Variants in USP5 observed in about 807,000 individuals in gnomAD.
USP5 encodes the protein ubiquitin specific peptidase 5, also known as ubiquitin carboxyl-terminal hydrolase 5.
USP5 carries 24 observed loss-of-function variants against 102.5 expected under a neutral mutation model. That is an observed-to-expected ratio of 0.23 (90% CI 0.17 to 0.33). The LOEUF (loss-of-function observed/expected upper bound fraction) is 0.33. Among genes scored for constraint, USP5 ranks in the 10% least tolerant of loss-of-function variants. The pLI is 1.00. For missense variants in USP5, 753 were observed against 1,122.1 expected, an observed-to-expected ratio of 0.67 and a Z score of 4.70; for synonymous variants, 460 against 434.8, an observed-to-expected ratio of 1.06 and a Z score of -0.72.
rs376240882 is a variant in USP5 at position 6,858,532 on chromosome 12, T to C, written c.973T>C (p.Tyr325His). ...ACTCAAGCCCCTGTTTGGGCCTGGC[T>C]ACACAGGCATCCGGAACCTGGGTAA... ...VPLKPLFGPG[Y>H]TGIRNLGNSC... The change falls in exon 8 of 20, where the codon TAC becomes CAC. Residue 325 changes from tyrosine (Y) to histidine (H), a missense_variant. Coordinates refer to ENST00000229268, the MANE Select transcript of USP5 (RefSeq NM_001098536.2). This position sits in a 1 kb window ranked among gnomAD's most constrained non-coding sequence, Gnocchi z 4.2. 1.2e-6 allele frequency: 2 copies of C among 1,613,876 alleles called. No homozygotes were observed. Among genetic ancestry groups the C allele is most frequent in the South Asian group, 2.2e-5 (2 of 91,090 alleles).
At chr12:6,854,798 T>C (rs958403481) in intron 1 of USP5, among the ~76,000 whole-genome samples, 1 of 151,928 alleles carries the variant, frequency 6.6e-6, no homozygotes, top group Admixed American at 6.6e-5. Context: ...GTAATTTTGC[T>C]TGCTGGCACA....
rs1488238231 is a variant in USP5 at position 6,864,992 on chromosome 12, A to G, written c.2398+117A>G. On this transcript the variant is annotated intron_variant, in intron 18 of 19. Coordinates refer to ENST00000229268, the MANE Select transcript of USP5 (RefSeq NM_001098536.2). The surrounding 1 kb of genome is among the most constrained non-coding windows in gnomAD (Gnocchi z 4.8). ...GAGTCAGGGGCTTCTTTCCACCTCA[A>G]CGTGGCATCTGAGGGTGGGGTTCTC... 8 of 1,430,708 alleles carry G rather than the reference A, an allele frequency of 5.6e-6. No individual in the cohort carries two copies. Among genetic ancestry groups the G allele is most frequent in the African/African-American group, 1.4e-5 (1 of 70,732 alleles). The allele number at this position is 1,430,708 out of a possible 1,614,324, so 88.6% of individuals were successfully genotyped here.
In USP5 at chr12:6,860,216, G is replaced by A; in HGVS notation, c.1196G>A (p.Gly399Glu). The change falls in exon 10 of 20, where the codon GGG (glycine) becomes GAG (glutamate). Residue 399 changes from glycine to glutamate, a missense_variant. Physicochemically the swap from Gly to Glu is moderately conservative, Grantham distance 98 (BLOSUM62 -2). This residue lies in a region of USP5 where 527 missense variants were observed against 816.5 expected (regional missense o/e 0.65). Coordinates refer to ENST00000229268, the MANE Select transcript of USP5 (RefSeq NM_001098536.2). This position sits in a 1 kb window ranked among gnomAD's most constrained non-coding sequence, Gnocchi z 5.5. The stretch of plus-strand genomic sequence containing the variant: ...AAGCCAGTACCGGAGTCGGGCGATG[G>A]GGAGCGGGTGCCAGAACAGAAGGTG... ...YSKPVPESGD[G>E]ERVPEQKEVQ... 1 of 1,608,340 alleles carries A rather than the reference G, an allele frequency of 6.2e-7. No homozygotes were observed. The highest frequency in any genetic ancestry group is 1.1e-5 in the South Asian group (1 of 90,556).
chr12:6,865,780 A>C (rs186483580), intron 19 of USP5, among the ~76,000 whole-genome samples: 140 of 152,310 alleles, frequency 9.2e-4, no homozygotes, highest in African/African-American at 3.2e-3. Flanking sequence ...TTGTAAAGGT[A>C]CTGGAGGATC....
chr12:6,865,076 T>G, intron 18 of USP5, 88 bp from the exon 19 acceptor site: 1 of 1,363,764 alleles, frequency 7.3e-7, no homozygotes, highest in Non-Finnish European at 1.0e-6. Flanking sequence ...ACTCCTGTCC[T>G]GAGTCTGAGC....
intron 8 of USP5, among the ~76,000 whole-genome samples, chr12:6,859,036 AG>A (rs1944198212): frequency 6.6e-6 from 1 of 152,064 alleles, no homozygotes; most frequent in Non-Finnish European, 1.5e-5. Flanking sequence ...TCTTTATTTT[AG>A]GGCAGTGACA....
rs782389140 is a variant in USP5, at chr12:6,860,104, G to T, written c.1131-47G>T. 6.3e-6 allele frequency: 10 copies of T among 1,596,350 alleles called. No homozygotes were observed. Among genetic ancestry groups the T allele is most frequent in the East Asian group, 2.2e-5 (1 of 44,808 alleles). On this transcript the variant is annotated intron_variant, in intron 9 of 19. Transcript: ENST00000229268. This position sits in a 1 kb window ranked among gnomAD's most constrained non-coding sequence, Gnocchi z 5.5. ...AGGGGGTTGAGCTGGGGACACACAGGGTCGTTAGTTGACTGAAGTGAAATG... is the reference window on the plus strand; with the variant it reads ...AGGGGGTTGAGCTGGGGACACACAGTGTCGTTAGTTGACTGAAGTGAAATG...
rs919257610 is a variant in USP5 at position 6,864,606 on chromosome 12, G to A, written c.2245-116G>A. The A allele has an allele frequency of 5.4e-5, 65 of 1,193,168 alleles. No individual in the cohort carries two copies. Among genetic ancestry groups the A allele is most frequent in the African/African-American group, 2.9e-4 (19 of 65,664 alleles). The allele number at this position is 1,193,168 out of a possible 1,614,324, so 73.9% of individuals were successfully genotyped here. Reference sequence around the variant, plus strand: ...TGGGAGGCTGAGGCAGGAGAAAGGCGTGAACCCGGGAGGCGGAGCTTGCAG... The same window carrying A: ...TGGGAGGCTGAGGCAGGAGAAAGGCATGAACCCGGGAGGCGGAGCTTGCAG... On this transcript the variant is annotated intron_variant, in intron 17 of 19. Transcript: ENST00000229268. The surrounding 1 kb of genome is among the most constrained non-coding windows in gnomAD (Gnocchi z 4.8).
chr12:6,858,897 C>T lies in USP5; in HGVS notation c.1058+280C>T, dbSNP rs1317652968. ...ATAATTCCTGTCACACTCTGGCTGA[C>T]ATGCTGTGAGGGGAGCAAGTTAGGG... On this transcript the variant is annotated intron_variant, in intron 8 of 19. Coordinates refer to ENST00000229268, the MANE Select transcript of USP5 (RefSeq NM_001098536.2). This position sits in a 1 kb window ranked among gnomAD's most constrained non-coding sequence, Gnocchi z 4.2. 3.4e-6 allele frequency: 1 copy of T among 297,092 alleles called. No homozygotes were observed. The highest frequency in any genetic ancestry group is 4.2e-5 in the Admixed American group (1 of 24,052). 18.4% of individuals were successfully genotyped at this position (297,092 alleles called of 1,614,324 possible). A position where few individuals can be genotyped will look rare whatever the true frequency, so the allele number is the denominator to read the frequency against.
chr12:6,865,715 C>G (rs1944425635), intron 19 of USP5, among the ~76,000 whole-genome samples: 1 of 152,134 alleles, frequency 6.6e-6, no homozygotes, highest in African/African-American at 2.4e-5. Context: ...ACTATCTGGC[C>G]CTTGCCAGAA....
Position 6,855,269 on chromosome 12 carries a change from A to G in USP5, c.112-132A>G. 1.6e-6 allele frequency: 2 copies of G among 1,239,664 alleles called. No homozygotes were observed. The highest frequency in any genetic ancestry group is 2.4e-5 in the East Asian group (1 of 41,380). The allele number at this position is 1,239,664 out of a possible 1,614,324, so 76.8% of individuals were successfully genotyped here. A position where few individuals can be genotyped will look rare whatever the true frequency, so the allele number is the denominator to read the frequency against. On this transcript the variant is annotated intron_variant, in intron 1 of 19. Transcript: ENST00000229268. This position sits in a 1 kb window ranked among gnomAD's most constrained non-coding sequence, Gnocchi z 4.6. Reference sequence around the variant, plus strand: ...TCCTAAAAGGCTAAATAACTTGCCAAGGGCCACACAGTGTTAGAGAACAGA... The same window carrying G: ...TCCTAAAAGGCTAAATAACTTGCCAGGGGCCACACAGTGTTAGAGAACAGA...
In USP5 at chr12:6,858,346, C is replaced by A; in HGVS notation, c.865-78C>A. On this transcript the variant is annotated intron_variant, in intron 7 of 19. Transcript: ENST00000229268. This position sits in a 1 kb window ranked among gnomAD's most constrained non-coding sequence, Gnocchi z 4.2. ...TTCTAGGCCACAGTTGAGTATCATC[C>A]TAGACTCAGTGAGAGATCGAGGTAA... 1 of 1,473,946 alleles carries A rather than the reference C, an allele frequency of 6.8e-7. No individual in the cohort carries two copies. The highest frequency in any genetic ancestry group is 9.3e-7 in the Non-Finnish European group (1 of 1,073,240). 91.3% of individuals were successfully genotyped at this position (1,473,946 alleles called of 1,614,324 possible).
rs781825607 is a variant in USP5 at position 6,862,450 on chromosome 12, G to A, written c.1674-20G>A. The A allele has an allele frequency of 5.6e-6, 9 of 1,608,988 alleles. No individual in the cohort carries two copies. In the East Asian group the frequency reaches 1.3e-4, roughly 24 times the overall value. On this transcript the variant is annotated intron_variant, in intron 13 of 19. Coordinates refer to ENST00000229268, the MANE Select transcript of USP5 (RefSeq NM_001098536.2). The stretch of plus-strand genomic sequence containing the variant: ...AACCCTGGGGATTGTCTGGGTACCA[G>A]CACAGTCTCTCTTCCCTAGGACCAC...
Position 6,860,634 on chromosome 12 carries a change from T to C in USP5, c.1344+143T>C. On this transcript the variant is annotated intron_variant, in intron 11 of 19. Transcript: ENST00000229268. This position sits in a 1 kb window ranked among gnomAD's most constrained non-coding sequence, Gnocchi z 5.5. ...TGTCCCTGTGAACAGTGCTTGCACC[T>C]GAGGAGGACAGTGAAGGTGATGATC... 7.1e-7 allele frequency: 1 copy of C among 1,410,722 alleles called. No individual in the cohort carries two copies. The highest frequency in any genetic ancestry group is 1.3e-5 in the South Asian group (1 of 76,394). The allele number at this position is 1,410,722 out of a possible 1,614,324, so 87.4% of individuals were successfully genotyped here. A position where few individuals can be genotyped will look rare whatever the true frequency, so the allele number is the denominator to read the frequency against.
chr12:6,855,581 C>A lies in USP5; in HGVS notation c.237+55C>A. ...TACATTGTCTGTTCCATTCTGACCTCCTATTGGACTCAGTTTCTTTTTTTC... is the reference window on the plus strand; with the variant it reads ...TACATTGTCTGTTCCATTCTGACCTACTATTGGACTCAGTTTCTTTTTTTC... On this transcript the variant is annotated intron_variant, in intron 2 of 19. Transcript: ENST00000229268. The surrounding 1 kb of genome is among the most constrained non-coding windows in gnomAD (Gnocchi z 4.6). The A allele has an allele frequency of 6.3e-7, 1 of 1,598,298 alleles. No individual in the cohort carries two copies. The highest frequency in any genetic ancestry group is 8.5e-7 in the Non-Finnish European group (1 of 1,173,446).
Position 6,863,061 on chromosome 12 carries a change from G to T in USP5, c.1763-125G>T. 2.2e-6 allele frequency: 2 copies of T among 915,216 alleles called. No individual in the cohort carries two copies. The highest frequency in any genetic ancestry group is 3.2e-6 in the Non-Finnish European group (2 of 627,862). The allele number at this position is 915,216 out of a possible 1,614,324, so 56.7% of individuals were successfully genotyped here. A position where few individuals can be genotyped will look rare whatever the true frequency, so the allele number is the denominator to read the frequency against. ...GTCTTATACTGGGACCCCTAAGATG[G>T]GTGCCGTGCTTTTAGCAGCTCCTCT... On this transcript the variant is annotated intron_variant, in intron 14 of 19. Transcript: ENST00000229268. The surrounding 1 kb of genome is among the most constrained non-coding windows in gnomAD (Gnocchi z 4.7).
Position 6,863,111 on chromosome 12 carries a change from G to A in USP5, c.1763-75G>A, listed in dbSNP as rs782182837. On this transcript the variant is annotated intron_variant, in intron 14 of 19. Coordinates refer to ENST00000229268, the MANE Select transcript of USP5 (RefSeq NM_001098536.2). This position sits in a 1 kb window ranked among gnomAD's most constrained non-coding sequence, Gnocchi z 4.7. ...TTTACAGAGCAGTTCTGACATAGGGGGCAGGGGATTGAGGTTCCCGAATCA... is the reference window on the plus strand; with the variant it reads ...TTTACAGAGCAGTTCTGACATAGGGAGCAGGGGATTGAGGTTCCCGAATCA... The A allele has an allele frequency of 1.4e-6, 2 of 1,451,556 alleles. No individual in the cohort carries two copies. The highest frequency in any genetic ancestry group is 1.3e-5 in the South Asian group (1 of 75,310). The allele number at this position is 1,451,556 out of a possible 1,614,324, so 89.9% of individuals were successfully genotyped here.
rs1317199084 is a variant in USP5, at chr12:6,862,527, C to T, written c.1731C>T (p.Thr577=). 2.5e-6 allele frequency: 4 copies of T among 1,614,198 alleles called. No individual in the cohort carries two copies. The highest frequency in any genetic ancestry group is 2.5e-6 in the Non-Finnish European group (3 of 1,180,028). The part of the protein sequence containing the change: ...DYLVIQIKKF[T]FGLDWVPKKL... Reference sequence around the variant, plus strand: ...TGGTCATCCAGATCAAGAAGTTCACCTTCGGCTTAGACTGGGTGCCCAAGA... The same window carrying T: ...TGGTCATCCAGATCAAGAAGTTCACTTTCGGCTTAGACTGGGTGCCCAAGA... Residue 577 remains threonine (T), a synonymous_variant, in exon 14 of 20, where the codon ACC becomes ACT. Transcript: ENST00000229268.
chr12:6,857,658 G>C lies in USP5; in HGVS notation c.799G>C (p.Val267Leu). The change falls in exon 7 of 20, where the codon GTC becomes CTC. Residue 267 changes from valine (V) to leucine (L), a missense_variant. Val to Leu is a conservative substitution (Grantham distance 32). This residue lies in a region of USP5 where 527 missense variants were observed against 816.5 expected (regional missense o/e 0.65). Coordinates refer to ENST00000229268, the MANE Select transcript of USP5 (RefSeq NM_001098536.2). ...GTACTCATATGATGAGGATGACATG[G>C]TCCTGGACCCCAGCCTGGCTGAGCA... is the stretch of plus-strand genomic sequence containing the variant. ...DVYSYDEDDM[V>L]LDPSLAEHLS... 2 of 1,613,904 alleles carry C rather than the reference G, an allele frequency of 1.2e-6. No individual in the cohort carries two copies. Among genetic ancestry groups the C allele is most frequent in the Non-Finnish European group, 1.7e-6 (2 of 1,179,978 alleles).
Sources: allele counts gnomAD v4.1 joint callset (sites outside exome capture counted in the v4.1 genomes callset), GRCh38; gene constraint gnomAD v4.1.1; regional missense constraint gnomAD v4.1.1; non-coding constraint Gnocchi (gnomAD v3.1); transcripts MANE v1.5; gene names NCBI Gene and HGNC (gene_info 2026-07-23, HGNC 2026-07-21).